The following FRMD3 variants were observed in gnomAD, a reference collection of about 807,000 sequenced individuals.
FRMD3 encodes the protein FERM domain containing 3.
FRMD3 carries 33 observed loss-of-function variants against 70.2 expected under a neutral mutation model. That is an observed-to-expected ratio of 0.47 (90% confidence interval 0.36 to 0.63). The LOEUF (loss-of-function observed/expected upper bound fraction) is 0.63. Among genes scored for constraint, FRMD3 ranks in the 20% least tolerant of loss-of-function variants. The probability of loss-of-function intolerance (pLI) is 0.00; values close to 1 mark genes in which losing one functional copy is unlikely to be tolerated. For synonymous variants in FRMD3, 279 were observed against 255.9 expected, an observed-to-expected ratio of 1.09 and a Z score of -0.86; for missense variants, 632 against 711.4, an observed-to-expected ratio of 0.89 and a Z score of 1.27.
intron 13 of FRMD3, among the ~76,000 whole-genome samples, chr9:83,261,255 T>C (rs1832978355): frequency 6.6e-6 from 1 of 152,132 alleles, no homozygotes; most frequent in Non-Finnish European, 1.5e-5. Flanking sequence ...GGCATTCTTC[T>C]TGTTCTTCTT....
At chr9:83,480,373 T>G (rs918022096) in intron 1 of FRMD3, among the ~76,000 whole-genome samples, 1 of 151,694 alleles carries the variant, frequency 6.6e-6, no homozygotes, top group Non-Finnish European at 1.5e-5. Flanking sequence ...CAACCTCTAA[T>G]CAAAGATATT....
chr9:83,456,605 G>T (rs74871174), intron 1 of FRMD3, among the ~76,000 whole-genome samples: 8,441 of 152,202 alleles, frequency 0.055, 339 homozygotes, highest in Non-Finnish European at 0.073. Flanking sequence ...CATGGTAAAT[G>T]GTATCTCAAG....
intron 13 of FRMD3, chr9:83,276,239 G>C (rs1208695747): frequency 1.3e-5 from 2 of 152,110 alleles, no homozygotes. Context: ...GCCTATTTTG[G>C]TTCCTGTGTA....
chr9:83,478,879 G>C (rs1036702609), intron 1 of FRMD3, among the ~76,000 whole-genome samples: 1 of 152,078 alleles, frequency 6.6e-6, no homozygotes, highest in African/African-American at 2.4e-5. Flanking sequence ...CTTGGACAGA[G>C]CTTCTGCATA....
At chr9:83,507,722 A>ATC (rs1233003530) in intron 1 of FRMD3, among the ~76,000 whole-genome samples, 13 of 108,772 alleles carry the variant, frequency 1.2e-4, no homozygotes, top group South Asian at 6.0e-4. Flanking sequence ...ATATATATAT[A>ATC]TATATATATA....
At chr9:83,251,322 C>T (rs191719307) in intron 13 of FRMD3, among the ~76,000 whole-genome samples, 1 of 152,130 alleles carries the variant, frequency 6.6e-6, no homozygotes, top group African/African-American at 2.4e-5. Context: ...CAGAAAACAA[C>T]AACATCAACA....
intron 1 of FRMD3, among the ~76,000 whole-genome samples, chr9:83,448,665 C>A (rs571385344): frequency 6.6e-6 from 1 of 152,264 alleles, no homozygotes; most frequent in African/African-American, 2.4e-5. Flanking sequence ...CTCCCTAAGA[C>A]CACAGAGCGG....
At chr9:83,474,385 A>G (rs547784890) in intron 1 of FRMD3, among the ~76,000 whole-genome samples, 1 of 152,300 alleles carries the variant, frequency 6.6e-6, no homozygotes, top group South Asian at 2.1e-4. Flanking sequence ...AACATCAATA[A>G]TATTCAATTC....
the FRMD3 span, among the ~76,000 whole-genome samples, chr9:83,580,937 AG>A: frequency 6.6e-6 from 1 of 152,172 alleles, no homozygotes; most frequent in African/African-American, 2.4e-5. Context: ...AAACTTCAGA[AG>A]AAAACAAAGC....
rs1174348352 is a variant in FRMD3, at chr9:83,357,270, T to C, written c.296-7513A>G. ...ACATATATATATATATATATATATATATATATATATATATATATATATATA... is the reference window on the plus strand; with the variant it reads ...ACATATATATATATATATATATATACATATATATATATATATATATATATA... On this transcript the variant is annotated intron_variant, in intron 3 of 13. Coordinates refer to ENST00000304195, the MANE Select transcript of FRMD3 (RefSeq NM_174938.6). 3.7e-4 allele frequency among the ~76,000 whole-genome samples: 24 copies of C among 64,530 alleles called. 7 individuals carry two copies. Among genetic ancestry groups the C allele is most frequent in the African/African-American group, 2.2e-3 (24 of 11,070 alleles). The allele number at this position is 64,530 out of a possible 152,430, so 42.3% of individuals were successfully genotyped here. A position where few individuals can be genotyped will look rare whatever the true frequency, so the allele number is the denominator to read the frequency against.
intron 13 of FRMD3, among the ~76,000 whole-genome samples, chr9:83,279,822 G>A (rs773681358): frequency 2.6e-5 from 4 of 151,920 alleles, no homozygotes; most frequent in Admixed American, 6.6e-5. Flanking sequence ...GAGGGAGAGC[G>A]TCAGGATAAA....
Position 83,537,880 on chromosome 9 carries a change from G to A in FRMD3, c.147+205C>T, listed in dbSNP as rs1468620972. On this transcript the variant is annotated intron_variant, in intron 1 of 13. Coordinates refer to ENST00000304195, the MANE Select transcript of FRMD3 (RefSeq NM_174938.6). This position sits in a 1 kb window ranked among gnomAD's most constrained non-coding sequence, Gnocchi z 4.1. ...GAAGGAGACTGGGCGCGGATAACGCGTGCCTGGCGCTTGCAGGGCACCATG... is the reference window on the plus strand; with the variant it reads ...GAAGGAGACTGGGCGCGGATAACGCATGCCTGGCGCTTGCAGGGCACCATG... Among the ~76,000 whole-genome samples the A allele has an allele frequency of 6.6e-6, 1 of 151,714 alleles. No homozygotes were observed. The highest frequency in any genetic ancestry group is 1.5e-5 in the Non-Finnish European group (1 of 67,874).
Position 83,530,578 on chromosome 9 carries a change from A to T in FRMD3, c.147+7507T>A, listed in dbSNP as rs1435662071. Among the ~76,000 whole-genome samples, 4 of 152,350 alleles carry T rather than the reference A, an allele frequency of 2.6e-5. No homozygotes were observed. In the East Asian group the frequency reaches 7.7e-4, roughly 29 times the overall value. ...TAAAATTAATTGTGGTGATGACTGCACTACTCTCTGAATATATTAAAAATT... is the reference window on the plus strand; with the variant it reads ...TAAAATTAATTGTGGTGATGACTGCTCTACTCTCTGAATATATTAAAAATT... On this transcript the variant is annotated intron_variant, in intron 1 of 13. Transcript: ENST00000304195.
At chr9:83,282,783 G>A (rs569204363) in intron 13 of FRMD3, among the ~76,000 whole-genome samples, 20 of 152,286 alleles carry the variant, frequency 1.3e-4, no homozygotes, top group African/African-American at 3.6e-4. Context: ...CTTCCACTGC[G>A]GAATGCTGTA....
chr9:83,292,886 T>G (rs1834498109), intron 12 of FRMD3, among the ~76,000 whole-genome samples: 1 of 151,720 alleles, frequency 6.6e-6, no homozygotes, highest in Non-Finnish European at 1.5e-5. Context: ...CCTAAGGTGA[T>G]CACCCACCTT....
At chr9:83,378,153 G>C (rs576133196) in intron 2 of FRMD3, among the ~76,000 whole-genome samples, 1 of 152,004 alleles carries the variant, frequency 6.6e-6, no homozygotes, top group Non-Finnish European at 1.5e-5. Context: ...TTGGTGCATC[G>C]TGAAGGCTCA....
At chr9:83,466,639 T>C (rs747147965) in intron 1 of FRMD3, among the ~76,000 whole-genome samples, 20 of 152,186 alleles carry the variant, frequency 1.3e-4, no homozygotes, top group African/African-American at 4.3e-4. Flanking sequence ...GAAGGAAATG[T>C]GTACCAGCTG....
At chr9:83,492,828 C>T (rs1187960268) in intron 1 of FRMD3, among the ~76,000 whole-genome samples, 2 of 152,186 alleles carry the variant, frequency 1.3e-5, no homozygotes, top group Non-Finnish European at 2.9e-5. Flanking sequence ...CAGCAACCTT[C>T]AGAGTCACTG....
Position 83,298,802 on chromosome 9 carries a change from T to C in FRMD3, c.1016A>G (p.Lys339Arg), listed in dbSNP as rs767479443. 5.0e-6 allele frequency: 8 copies of C among 1,614,066 alleles called. No homozygotes were observed. Among genetic ancestry groups the C allele is most frequent in the Non-Finnish European group, 6.8e-6 (8 of 1,180,026 alleles). Residue 339 changes from lysine to arginine, a missense_variant, in exon 12 of 14, where the codon AAA (lysine) becomes AGA (arginine). Coordinates refer to ENST00000304195, the MANE Select transcript of FRMD3 (RefSeq NM_174938.6). ...CTTGGAACTGGCCTCCACCACCTCT[T>C]TGGCAACTTTCCCACTGCAAAAGAC... ...SRFRYSGKVA[K>R]EVVEASSKIQ...
Sources: allele counts gnomAD v4.1 joint callset (sites outside exome capture counted in the v4.1 genomes callset), GRCh38; gene constraint gnomAD v4.1.1; non-coding constraint Gnocchi (gnomAD v3.1); transcripts MANE v1.5; gene names NCBI Gene and HGNC (gene_info 2026-07-23, HGNC 2026-07-21).